Variants in GALNTL6 observed in about 807,000 individuals in gnomAD.
GALNTL6 encodes the protein polypeptide N-acetylgalactosaminyltransferase-like 6.
GALNTL6 carries 46 observed loss-of-function variants against 73.7 expected under a neutral mutation model. The ratio of observed to expected loss-of-function variants is 0.62; its 90% CI spans 0.49 to 0.80. The LOEUF (loss-of-function observed/expected upper bound fraction) is 0.80. Ranked by LOEUF, GALNTL6 falls within the 30% of genes least tolerant of loss-of-function variation. GALNTL6 has a pLI of 0.00. For synonymous variants in GALNTL6, 259 were observed against 263.7 expected (o/e 0.98, Z 0.17); for missense variants, 604 against 755.0 (o/e 0.80, Z 2.34).
intron 5 of GALNTL6, among the ~76,000 whole-genome samples, chr4:172,519,472 A>G (rs138399748): frequency 6.4e-4 from 96 of 150,404 alleles, no homozygotes; most frequent in Middle Eastern, 3.5e-3. Context: ...CATGAAAATC[A>G]ATTACCTGAA....
At chr4:172,084,663 A>G (rs1369213145) in intron 2 of GALNTL6, among the ~76,000 whole-genome samples, 1 of 151,820 alleles carries the variant, frequency 6.6e-6, no homozygotes. Flanking sequence ...AGATGTGTCT[A>G]GAAATGTCAT....
At chr4:172,156,547 A>ATATATATATATAC (rs1560945619) in intron 2 of GALNTL6, among the ~76,000 whole-genome samples, 15 of 113,746 alleles carry the variant, frequency 1.3e-4, no homozygotes, top group African/African-American at 5.8e-4. Context: ...TATAATATAT[A>ATATATATATATAC]TATATATATA....
chr4:172,556,618 G>C (rs577497665), intron 5 of GALNTL6, among the ~76,000 whole-genome samples: 1 of 152,000 alleles, frequency 6.6e-6, no homozygotes, highest in East Asian at 1.9e-4. Flanking sequence ...TACCCTGAAA[G>C]AGATAATGAG....
At chr4:172,225,229 G>C (rs1736813893) in intron 2 of GALNTL6, among the ~76,000 whole-genome samples, 1 of 151,964 alleles carries the variant, frequency 6.6e-6, no homozygotes, top group African/African-American at 2.4e-5. Flanking sequence ...TTAAAGGAAA[G>C]GTCAGAATAC....
chr4:172,957,554 G>A (rs533645850), intron 10 of GALNTL6, among the ~76,000 whole-genome samples: 122 of 152,298 alleles, frequency 8.0e-4, no homozygotes, highest in Non-Finnish European at 1.7e-3. Context: ...TGTCCTGAGC[G>A]ATAGGATCTG....
At chr4:172,669,433 C>G (rs1265364077) in intron 5 of GALNTL6, among the ~76,000 whole-genome samples, 2 of 152,122 alleles carry the variant, frequency 1.3e-5, no homozygotes, top group Non-Finnish European at 2.9e-5. Flanking sequence ...AATGGATTGG[C>G]CCTCCAATGA....
At position 172,406,132 on chromosome 4, in the gene GALNTL6, G is replaced by A. The variant is rs926819459; in HGVS notation, c.553+57443G>A. On this transcript the variant is annotated intron_variant, in intron 5 of 12. Transcript: ENST00000506823. ...TAGGCTAATAGGTATAAGTGTATAA[G>A]TATTATGTATATATTAATAATACAC... Among the ~76,000 whole-genome samples, 3 of 151,764 alleles carry A rather than the reference G, an allele frequency of 2.0e-5. No individual in the cohort carries two copies. In the East Asian group the frequency reaches 5.8e-4, roughly 29 times the overall value.
intron 2 of GALNTL6, among the ~76,000 whole-genome samples, chr4:171,846,358 T>TG (rs1735367329): frequency 6.6e-6 from 1 of 152,192 alleles, no homozygotes; most frequent in Non-Finnish European, 1.5e-5. Context: ...AAGGGAACTA[T>TG]TTCTTATCTT....
intron 3 of GALNTL6, among the ~76,000 whole-genome samples, chr4:172,235,902 T>C (rs1737225609): frequency 6.6e-6 from 1 of 152,188 alleles, no homozygotes; most frequent in East Asian, 1.9e-4. Context: ...TAAGAATATG[T>C]AATATTTCAT....
chr4:171,893,377 A>G (rs1736816079), intron 2 of GALNTL6, among the ~76,000 whole-genome samples: 1 of 152,204 alleles, frequency 6.6e-6, no homozygotes, highest in Admixed American at 6.5e-5. Flanking sequence ...AAACTGAGGC[A>G]TAGTGACTAT....
intron 5 of GALNTL6, among the ~76,000 whole-genome samples, chr4:172,699,706 T>C (rs749360837): frequency 6.6e-6 from 1 of 152,192 alleles, no homozygotes; most frequent in Non-Finnish European, 1.5e-5. Context: ...AGAGTTAAGA[T>C]TTGCAGTAGA....
intron 5 of GALNTL6, among the ~76,000 whole-genome samples, chr4:172,618,399 AAAC>A (rs1738826996): frequency 6.6e-6 from 1 of 152,180 alleles, no homozygotes; most frequent in South Asian, 2.1e-4. Context: ...GCTTCCGTAA[AAAC>A]ATCATTATAC....
At chr4:172,264,901 A>C (rs1738400037) in intron 3 of GALNTL6, among the ~76,000 whole-genome samples, 4 of 150,440 alleles carry the variant, frequency 2.7e-5, no homozygotes, top group Non-Finnish European at 5.9e-5. Context: ...TGGCTTTGTC[A>C]AATTTATACA....
intron 2 of GALNTL6, among the ~76,000 whole-genome samples, chr4:171,885,422 G>A (rs958458466): frequency 6.6e-6 from 1 of 152,064 alleles, no homozygotes; most frequent in Non-Finnish European, 1.5e-5. Context: ...AAATTCATTT[G>A]GGGGACTCTT....
At chr4:171,824,166 G>A (rs1734766457) in intron 2 of GALNTL6, among the ~76,000 whole-genome samples, 1 of 148,678 alleles carries the variant, frequency 6.7e-6, no homozygotes, top group Admixed American at 6.7e-5. Flanking sequence ...AAGTTGTCAA[G>A]GTAGTACAGG....
intron 2 of GALNTL6, among the ~76,000 whole-genome samples, chr4:172,086,999 T>C (rs1330254511): frequency 1.3e-5 from 2 of 152,168 alleles, no homozygotes; most frequent in African/African-American, 2.4e-5. Context: ...CCCTCTTCTG[T>C]CTCCTGCTAC....
At chr4:172,791,749 C>T (rs967568075) in intron 5 of GALNTL6, among the ~76,000 whole-genome samples, 3 of 152,058 alleles carry the variant, frequency 2.0e-5, no homozygotes, top group Admixed American at 2.0e-4. Context: ...TGAAATGCCC[C>T]TTTCTGCTTT....
chr4:172,229,640 C>T lies in GALNTL6; in HGVS notation c.139-16C>T, dbSNP rs1379170421. ...AATACCTCCTTTTTATGCTTGAATACTTTCCTTTTCCACAGACATTTCCAC... is the reference window on the plus strand; with the variant it reads ...AATACCTCCTTTTTATGCTTGAATATTTTCCTTTTCCACAGACATTTCCAC... On this transcript the variant is annotated splice_polypyrimidine_tract_variant and intron_variant, in intron 2 of 12. Coordinates refer to ENST00000506823, the MANE Select transcript of GALNTL6 (RefSeq NM_001034845.3). 5 of 1,548,302 alleles carry T rather than the reference C, an allele frequency of 3.2e-6. No individual in the cohort carries two copies. The highest frequency in any genetic ancestry group is 1.4e-5 in the African/African-American group (1 of 73,506).
chr4:172,479,824 G>A (rs1389457404), intron 5 of GALNTL6, among the ~76,000 whole-genome samples: 1 of 152,184 alleles, frequency 6.6e-6, no homozygotes, highest in Non-Finnish European at 1.5e-5. Context: ...GTGTTTGTGT[G>A]CTTTTTATAA....
Sources: gnomAD v4.1 joint callset for allele counts (sites outside exome capture counted in the v4.1 genomes callset) on GRCh38, gnomAD v4.1.1 for gene constraint, MANE v1.5 for transcripts, NCBI Gene and HGNC (gene_info 2026-07-23, HGNC 2026-07-21) for gene names.